The following SCAMP4 variants were observed in gnomAD, a reference collection of about 807,000 sequenced individuals.
SCAMP4 encodes secretory carrier membrane protein 4.
In SCAMP4, 19 loss-of-function variants were observed where a neutral mutation model predicts 32.1. The observed-to-expected ratio is 0.59, with a 90% CI of 0.41 to 0.87. The LOEUF is 0.87. Ranked by LOEUF, SCAMP4 falls within the 40% of genes least tolerant of loss-of-function variation. The probability of loss-of-function intolerance (pLI) is 0.00; values close to 1 mark genes in which losing one functional copy is unlikely to be tolerated. For missense variants in SCAMP4, 302 were observed against 309.0 expected (o/e 0.98, Z 0.17); for synonymous variants, 152 against 132.7 (o/e 1.15, Z -1.00).
At chr19:1,914,186 G>A (rs746408018) in intron 1 of SCAMP4, among the ~76,000 whole-genome samples, 6 of 152,174 alleles carry the variant, frequency 3.9e-5, no homozygotes, top group African/African-American at 7.2e-5. Flanking sequence ...GGAAGTCAGG[G>A]AGGAGGGAGT....
intron 1 of SCAMP4, chr19:1,913,037 C>A: frequency 6.2e-7 from 1 of 1,604,054 alleles, no homozygotes; most frequent in Non-Finnish European, 8.5e-7. Context: ...CCTCGCCCGA[C>A]GGCGCCCTGG....
At chr19:1,912,072 C>G (rs982350552) in intron 1 of SCAMP4, 1 of 1,447,262 alleles carries the variant, frequency 6.9e-7, no homozygotes, top group African/African-American at 1.5e-5. Flanking sequence ...CCGTCTCTGT[C>G]TCCCACAGTC....
At chr19:1,912,230 C>T in intron 1 of SCAMP4, 1 of 1,596,012 alleles carries the variant, frequency 6.3e-7, no homozygotes, top group Non-Finnish European at 8.5e-7. Context: ...TGGTGCTGGC[C>T]TACGCCGCGC....
intron 1 of SCAMP4, among the ~76,000 whole-genome samples, chr19:1,911,445 T>C (rs2013442350): frequency 6.6e-6 from 1 of 152,220 alleles, no homozygotes; most frequent in South Asian, 2.1e-4. Flanking sequence ...GTGCTGGGAT[T>C]ACAGGCGTGA....
At chr19:1,923,424 G>A (rs746514687) in intron 6 of SCAMP4, among the ~76,000 whole-genome samples, 14 of 152,252 alleles carry the variant, frequency 9.2e-5, no homozygotes, top group South Asian at 2.1e-4. Context: ...CCCCTGGGCC[G>A]GGAGTCCAGA....
intron 5 of SCAMP4, 140 bp downstream of exon 5, chr19:1,919,130 C>A: frequency 6.8e-7 from 1 of 1,472,490 alleles, no homozygotes. Context: ...CTGAGCTCAC[C>A]CTGGCAGCGC....
rs1045508115 is a variant in SCAMP4, at chr19:1,923,913, C to G, written c.514-195C>G. On this transcript the variant is annotated intron_variant, in intron 6 of 6. Coordinates refer to ENST00000316097, the MANE Select transcript of SCAMP4 (RefSeq NM_079834.4). Reference sequence around the variant, plus strand: ...GTGCTGGGATGACAGGCGTGAGCCACCGTGCCCGGCCTATTTTTTATATTG... The same window carrying G: ...GTGCTGGGATGACAGGCGTGAGCCAGCGTGCCCGGCCTATTTTTTATATTG... 1.5e-4 allele frequency among the ~76,000 whole-genome samples: 15 copies of G among 98,464 alleles called. 2 individuals carry two copies. Among genetic ancestry groups the G allele is most frequent in the Non-Finnish European group, 3.7e-4 (13 of 35,222 alleles). 64.6% of individuals were successfully genotyped at this position (98,464 alleles called of 152,430 possible). A position where few individuals can be genotyped will look rare whatever the true frequency, so the allele number is the denominator to read the frequency against.
rs1411804231 is a variant in SCAMP4, at chr19:1,923,060, TC to T, written c.396-7del. The T allele has an allele frequency of 6.5e-7, 1 of 1,546,132 alleles. No individual in the cohort carries two copies. The highest frequency in any genetic ancestry group is 1.4e-5 in the African/African-American group (1 of 72,918). ...GTGCAGGCACCCACGCACTCTCTTG[TC>T]CCTTGCAGCGGCTGGCTGTCGGCAA... On this transcript the variant is annotated splice_polypyrimidine_tract_variant and intron_variant, in intron 5 of 6. Coordinates refer to ENST00000316097, the MANE Select transcript of SCAMP4 (RefSeq NM_079834.4).
rs549956712 is a variant in SCAMP4 at position 1,905,403 on chromosome 19, C to T, written c.-78C>T. 1.3e-4 allele frequency: 61 copies of T among 464,564 alleles called. No individual in the cohort carries two copies. The highest frequency in any genetic ancestry group is 1.2e-3 in the African/African-American group (59 of 49,462). 28.8% of individuals were successfully genotyped at this position (464,564 alleles called of 1,614,324 possible). A position where few individuals can be genotyped will look rare whatever the true frequency, so the allele number is the denominator to read the frequency against. On this transcript the variant is annotated 5_prime_UTR_variant, in exon 1 of 7. Coordinates refer to ENST00000316097, the MANE Select transcript of SCAMP4 (RefSeq NM_079834.4). ...GGTTGGGCCGGGCCGGTTGCTAAGACTTGGCGAAGCGCTGCGCTCGCGCCC... is the reference window on the plus strand; with the variant it reads ...GGTTGGGCCGGGCCGGTTGCTAAGATTTGGCGAAGCGCTGCGCTCGCGCCC...
chr19:1,911,977 C>A (rs929298933), intron 1 of SCAMP4: 130 of 1,408,920 alleles, frequency 9.2e-5, no homozygotes, highest in Non-Finnish European at 1.1e-4. Flanking sequence ...TGGCAGCACG[C>A]CCTGCCTTGT....
At chr19:1,921,061 C>G (rs1430761482) in intron 5 of SCAMP4, 5 of 985,318 alleles carry the variant, frequency 5.1e-6, no homozygotes, top group Non-Finnish European at 6.0e-6. Flanking sequence ...GCCCGGCCCC[C>G]CTTGTAATGA....
At chr19:1,923,781 G>T (rs1435237375) in intron 6 of SCAMP4, among the ~76,000 whole-genome samples, 1 of 147,358 alleles carries the variant, frequency 6.8e-6, no homozygotes, top group African/African-American at 2.5e-5. Context: ...ACCGCACCTG[G>T]CTAATTATTT....
intron 1 of SCAMP4, chr19:1,913,452 G>T: frequency 5.9e-6 from 3 of 506,906 alleles, no homozygotes; most frequent in Non-Finnish European, 1.1e-5. Flanking sequence ...AACCAAGTGG[G>T]TGTCTGTTAG....
At chr19:1,917,417 C>A (rs1304781949) in intron 2 of SCAMP4, among the ~76,000 whole-genome samples, 4 of 152,334 alleles carry the variant, frequency 2.6e-5, no homozygotes, top group South Asian at 4.1e-4. Context: ...CCTTGCCCAG[C>A]GTCTAGAGGC....
intron 2 of SCAMP4, 49 bp downstream of exon 2, chr19:1,915,075 AT>A: frequency 1.2e-6 from 2 of 1,611,106 alleles, no homozygotes; most frequent in Non-Finnish European, 1.7e-6. Context: ...CGGGAGGGAG[AT>A]GCCAGCAGTT....
chr19:1,919,023 G>A, intron 5 of SCAMP4, 33 bp downstream of exon 5: 2 of 1,577,064 alleles, frequency 1.3e-6, no homozygotes, highest in Non-Finnish European at 1.7e-6. Flanking sequence ...TGGTGGCTGT[G>A]ATGTGGCTCA....
intron 5 of SCAMP4, chr19:1,919,328 C>G: frequency 3.4e-6 from 4 of 1,181,834 alleles, no homozygotes; most frequent in Non-Finnish European, 3.2e-6. Flanking sequence ...TTCCTGGCTG[C>G]TGATGTTTCT....
In SCAMP4 at chr19:1,912,409, C is replaced by T. The variant is rs1016737811; in HGVS notation, c.-41-2570C>T. ...GCTGGGCCGGCCTCGGGCCCGCGCT[C>T]GCTGGCTGAGCTCCTGCCACGGCCG... On this transcript the variant is annotated intron_variant, in intron 1 of 6. Transcript: ENST00000316097. The T allele has an allele frequency of 2.8e-5, 43 of 1,514,410 alleles. No homozygotes were observed. Among genetic ancestry groups the T allele is most frequent in the Admixed American group, 4.1e-5 (2 of 48,938 alleles). 93.8% of individuals were successfully genotyped at this position (1,514,410 alleles called of 1,614,324 possible).
Position 1,918,298 on chromosome 19 carries a change from C to T in SCAMP4, c.293+15C>T, listed in dbSNP as rs780183186. On this transcript the variant is annotated intron_variant, in intron 4 of 6. Transcript: ENST00000316097. ...AAGGCCTTCCGGTGAGCAGAGCTGC[C>T]GGGGGCCGTCTGCACCCAGAGGGAA... The T allele has an allele frequency of 1.6e-5, 25 of 1,580,662 alleles. No homozygotes were observed. Among genetic ancestry groups the T allele is most frequent in the African/African-American group, 4.0e-5 (3 of 74,486 alleles).
Sources: gnomAD v4.1 joint callset for allele counts (sites outside exome capture counted in the v4.1 genomes callset) on GRCh38, gnomAD v4.1.1 for gene constraint, MANE v1.5 for transcripts, NCBI Gene and HGNC (gene_info 2026-07-23, HGNC 2026-07-21) for gene names.